The following SLC25A40 variants were observed in gnomAD, a reference collection of about 807,000 sequenced individuals.
SLC25A40 encodes solute carrier family 25 member 40, also known as mitochondrial glutathione transporter SLC25A40.
In SLC25A40, 41 loss-of-function variants were observed where a neutral mutation model predicts 46.5. The observed-to-expected ratio is 0.88, with a 90% CI of 0.69 to 1.14. SLC25A40 has a LOEUF of 1.14. Among genes scored for constraint, SLC25A40 ranks in the 50% most tolerant of loss-of-function variants. The pLI is 0.00. For synonymous variants in SLC25A40, 126 were observed against 127.5 expected (o/e 0.99, Z 0.08); for missense variants, 386 against 393.6 (o/e 0.98, Z 0.16).
chr7:87,855,028 G>A (rs140142583), intron 4 of SLC25A40, among the ~76,000 whole-genome samples: 283 of 151,854 alleles, frequency 1.9e-3, no homozygotes, highest in African/African-American at 6.4e-3. Context: ...TGGGTGTGAT[G>A]GCACGTGCCT....
chr7:87,849,785 C>T, intron 6 of SLC25A40, 96 bp downstream of exon 6: 1 of 861,676 alleles, frequency 1.2e-6, no homozygotes, highest in East Asian at 2.9e-5. Flanking sequence ...TGAAAGCATT[C>T]TAATATTAAA....
chr7:87,856,458 A>G, intron 3 of SLC25A40, 107 bp from the exon 4 acceptor site: 1 of 898,920 alleles, frequency 1.1e-6, no homozygotes, highest in East Asian at 2.4e-5. Context: ...TCATGGCTAT[A>G]TAATTGGTAA....
intron 10 of SLC25A40, 102 bp downstream of exon 10, chr7:87,841,528 TGCA>T: frequency 1.6e-6 from 1 of 618,508 alleles, no homozygotes; most frequent in Non-Finnish European, 2.6e-6. Context: ...CAAAGAATAA[TGCA>T]GAAGAAAAAA....
chr7:87,846,950 T>TG lies in SLC25A40; in HGVS notation c.629dup (p.Ala211SerfsTer6). 1 of 1,596,008 alleles carries TG rather than the reference T, an allele frequency of 6.3e-7. No homozygotes were observed. The highest frequency in any genetic ancestry group is 2.2e-5 in the East Asian group (1 of 44,704). The stretch of plus-strand genomic sequence containing the variant: ...AGCTACAAATAAGATAAATCCTACC[T>TG]GAGAAAGGTACATCTCTAAGAACAG... On this transcript the variant is annotated frameshift_variant and splice_region_variant, in exon 8 of 12. Coordinates refer to ENST00000341119, the MANE Select transcript of SLC25A40 (RefSeq NM_018843.4). LOFTEE classifies it high-confidence loss of function.
chr7:87,844,858 T>C (rs1431330657), intron 8 of SLC25A40, among the ~76,000 whole-genome samples: 1 of 152,148 alleles, frequency 6.6e-6, no homozygotes, highest in Non-Finnish European at 1.5e-5. Context: ...ACAACCTTGA[T>C]GAAGAAAAAC....
chr7:87,843,999 A>C, intron 8 of SLC25A40, 136 bp from the exon 9 acceptor site: 1 of 1,322,964 alleles, frequency 7.6e-7, no homozygotes, highest in Non-Finnish European at 9.6e-7. Context: ...TTAGACACCC[A>C]CTAGGGTGGG....
intron 5 of SLC25A40, among the ~76,000 whole-genome samples, chr7:87,850,297 T>C (rs1184226436): frequency 2.0e-5 from 3 of 152,110 alleles, no homozygotes; most frequent in Admixed American, 6.5e-5. Flanking sequence ...TTAGAGAAAA[T>C]ATTAAAATGT....
rs374646883 is a variant in SLC25A40, at chr7:87,854,882, G to C, written c.158-572C>G. ...TTTTCAGAACTGCAATAAGAAAATG[G>C]CTGGGCATGGTGGCTCATGCCTGTA... On this transcript the variant is annotated intron_variant, in intron 4 of 11. Transcript: ENST00000341119. Among the ~76,000 whole-genome samples the C allele has an allele frequency of 4.7e-5, 7 of 149,918 alleles. No homozygotes were observed. The East Asian group carries it at 1.0e-3, about 22-fold the overall frequency.
intron 3 of SLC25A40, among the ~76,000 whole-genome samples, chr7:87,857,378 AAT>A (rs1355231041): frequency 2.0e-5 from 3 of 152,238 alleles, no homozygotes; most frequent in Admixed American, 2.0e-4. Flanking sequence ...ATGAAGTTCA[AAT>A]AAAAGTTAGA....
In SLC25A40 at chr7:87,854,220, T is replaced by C. The variant is rs779751718; in HGVS notation, c.248A>G (p.Asn83Ser). Residue 83 changes from asparagine (N) to serine (S), a missense_variant, in exon 5 of 12, where the codon AAT becomes AGT. Transcript: ENST00000341119. ...TCACCTTACCAATGTTCCCTGGAAATTTCCTGGCTTCTTATACCATAGTTT... is the reference window on the plus strand; with the variant it reads ...TCACCTTACCAATGTTCCCTGGAAACTTCCTGGCTTCTTATACCATAGTTT... ...GNKLWYKKPG[N>S]FQGTLDAFFK... The C allele has an allele frequency of 1.2e-5, 19 of 1,610,578 alleles. No individual in the cohort carries two copies. Among genetic ancestry groups the C allele is most frequent in the Non-Finnish European group, 1.5e-5 (18 of 1,177,122 alleles).
At chr7:87,836,897 C>A in intron 10 of SLC25A40, 87 bp from the exon 11 acceptor site, 1 of 693,354 alleles carries the variant, frequency 1.4e-6, no homozygotes, top group African/African-American at 1.9e-5. Context: ...ATGGCCCTTG[C>A]GGATATATCA....
intron 10 of SLC25A40, among the ~76,000 whole-genome samples, chr7:87,838,003 C>A (rs1346357266): frequency 6.6e-6 from 1 of 151,436 alleles, no homozygotes; most frequent in Non-Finnish European, 1.5e-5. Flanking sequence ...AATTTTGCCA[C>A]TTAATGGAGT....
chr7:87,844,871 G>A (rs957040365), intron 8 of SLC25A40, among the ~76,000 whole-genome samples: 3 of 152,008 alleles, frequency 2.0e-5, no homozygotes, highest in Admixed American at 6.6e-5. Context: ...AGAAAAACTT[G>A]AATCTCTCCT....
At chr7:87,840,069 T>C (rs1838309098) in intron 10 of SLC25A40, among the ~76,000 whole-genome samples, 1 of 151,690 alleles carries the variant, frequency 6.6e-6, no homozygotes, top group Non-Finnish European at 1.5e-5. Flanking sequence ...AAGTAACTGG[T>C]TCATAGCTGA....
In SLC25A40 at chr7:87,841,671, T is replaced by C. The variant is rs369745713; in HGVS notation, c.785A>G (p.Gln262Arg). Residue 262 changes from glutamine to arginine, a missense_variant, in exon 10 of 12, where the codon CAA becomes CGA. Physicochemically the swap from Gln to Arg is conservative, Grantham distance 43. Transcript: ENST00000341119. ...ATLPFDVVKT[Q>R]KQTQLWTYES... ...ATATGTCCAAAGTTGTGTCTGCTTTTGTGTTTTTACTACATCAAATGGTAA... is the reference window on the plus strand; with the variant it reads ...ATATGTCCAAAGTTGTGTCTGCTTTCGTGTTTTTACTACATCAAATGGTAA... 8.3e-5 allele frequency: 127 copies of C among 1,531,240 alleles called. 2 individuals carry two copies. Among genetic ancestry groups the C allele is most frequent in the Non-Finnish European group, 1.4e-5 (16 of 1,138,292 alleles). 94.9% of individuals were successfully genotyped at this position (1,531,240 alleles called of 1,614,324 possible).
chr7:87,867,231 ATTC>A (rs1838817456), intron 1 of SLC25A40, among the ~76,000 whole-genome samples: 1 of 152,166 alleles, frequency 6.6e-6, no homozygotes, highest in South Asian at 2.1e-4. Flanking sequence ...AACACCAATA[ATTC>A]TTAAGATTTG....
chr7:87,873,280 G>C (rs1838922541), intron 1 of SLC25A40, among the ~76,000 whole-genome samples: 1 of 152,058 alleles, frequency 6.6e-6, no homozygotes, highest in South Asian at 2.1e-4. Flanking sequence ...AATTTGTCTA[G>C]ATTCTAGAAC....
At chr7:87,838,365 AGAATGATAAAAAGAGTATCAACT>A (rs1271507880) in intron 10 of SLC25A40, among the ~76,000 whole-genome samples, 1 of 151,538 alleles carries the variant, frequency 6.6e-6, no homozygotes, top group African/African-American at 2.4e-5. Flanking sequence ...TGAAATTAAG[AGAATGATAAAAAGAGTATCAACT>A]GAAGGTAAGC....
chr7:87,841,570 A>T, intron 10 of SLC25A40, 63 bp downstream of exon 10: 1 of 930,796 alleles, frequency 1.1e-6, no homozygotes. Flanking sequence ...AGATATCCCT[A>T]CAATATCTGT....
Sources: gnomAD v4.1 joint callset for allele counts (sites outside exome capture counted in the v4.1 genomes callset) on GRCh38, gnomAD v4.1.1 for gene constraint, MANE v1.5 for transcripts, NCBI Gene and HGNC (gene_info 2026-07-23, HGNC 2026-07-21) for gene names.